PPFIBP1: variants seen among roughly 807,000 people sequenced by gnomAD.
PPFIBP1 encodes the protein PPFIB scaffold protein 1.
In PPFIBP1, 112 loss-of-function variants were observed where a neutral mutation model predicts 137.8. The ratio of observed to expected loss-of-function variants is 0.81; its 90% CI spans 0.70 to 0.95. The LOEUF is 0.95. PPFIBP1 is among the 40% of genes least tolerant of loss of function. PPFIBP1 has a pLI of 0.00. For missense variants in PPFIBP1, 1,083 were observed against 1,196.6 expected (o/e 0.91, Z 1.40); for synonymous variants, 378 against 417.3 (o/e 0.91, Z 1.15).
chr12:27,648,718 G>T (rs1158877267), intron 6 of PPFIBP1, among the ~76,000 whole-genome samples: 1 of 152,162 alleles, frequency 6.6e-6, no homozygotes, highest in African/African-American at 2.4e-5. Context: ...TGGAACTGAA[G>T]GTCATTATGT....
intron 2 of PPFIBP1, among the ~76,000 whole-genome samples, chr12:27,628,972 T>A (rs1049193797): frequency 2.6e-5 from 4 of 152,160 alleles, no homozygotes; most frequent in African/African-American, 9.7e-5. Context: ...TGTGCTGGAG[T>A]ATTTAAAGCT....
At chr12:27,662,019 G>T (rs1376008546) in intron 11 of PPFIBP1, among the ~76,000 whole-genome samples, 2 of 152,020 alleles carry the variant, frequency 1.3e-5, no homozygotes, top group Non-Finnish European at 2.9e-5. Context: ...AAAAGCCACA[G>T]CAAACAAAAT....
chr12:27,591,039 CAT>C (rs1428462271), intron 2 of PPFIBP1, among the ~76,000 whole-genome samples: 2 of 151,614 alleles, frequency 1.3e-5, no homozygotes, highest in Non-Finnish European at 2.9e-5. Context: ...TCTTTATAGT[CAT>C]ATATTTGCCT....
chr12:27,688,914 G>T, intron 26 of PPFIBP1, 101 bp from the exon 27 acceptor site: 1 of 1,141,462 alleles, frequency 8.8e-7, no homozygotes, highest in Non-Finnish European at 1.2e-6. Flanking sequence ...GAGGATCATT[G>T]GAGATAACCT....
At chr12:27,662,549 A>T (rs1370161642) in intron 11 of PPFIBP1, among the ~76,000 whole-genome samples, 1 of 152,230 alleles carries the variant, frequency 6.6e-6, no homozygotes, top group Non-Finnish European at 1.5e-5. Context: ...AAGAGCTTTT[A>T]GAGAAATTTA....
chr12:27,595,884 A>AAC (rs1372079287), intron 2 of PPFIBP1, among the ~76,000 whole-genome samples: 23,460 of 52,852 alleles, frequency 0.44, 2,651 homozygotes, highest in Middle Eastern at 0.55. Flanking sequence ...CAACAACAAC[A>AAC]AAATATATAT....
chr12:27,599,876 A>G (rs2053771464), intron 2 of PPFIBP1, among the ~76,000 whole-genome samples: 1 of 152,234 alleles, frequency 6.6e-6, no homozygotes, highest in Admixed American at 6.5e-5. Flanking sequence ...ACAGACTACA[A>G]GAGACTAAGG....
chr12:27,562,290 A>C (rs1337176441), intron 1 of PPFIBP1, among the ~76,000 whole-genome samples: 1 of 151,948 alleles, frequency 6.6e-6, no homozygotes. Flanking sequence ...AAAGAAGTGA[A>C]AATGTGTGAA....
At chr12:27,525,992 A>G (rs1943705505) in intron 1 of PPFIBP1, among the ~76,000 whole-genome samples, 1 of 152,260 alleles carries the variant, frequency 6.6e-6, no homozygotes, top group Non-Finnish European at 1.5e-5. Context: ...GGCTTAAGAC[A>G]CAGAAATTGC....
intron 1 of PPFIBP1, among the ~76,000 whole-genome samples, chr12:27,560,744 C>A (rs1178674210): frequency 6.6e-6 from 1 of 152,216 alleles, no homozygotes; most frequent in Non-Finnish European, 1.5e-5. Flanking sequence ...AAGTCAGGAT[C>A]TAAATCCAGC....
chr12:27,572,595 T>C (rs1165965504), intron 1 of PPFIBP1, among the ~76,000 whole-genome samples: 1 of 152,232 alleles, frequency 6.6e-6, no homozygotes, highest in Non-Finnish European at 1.5e-5. Context: ...TCAATAGATA[T>C]TGCAAATACT....
intron 2 of PPFIBP1, among the ~76,000 whole-genome samples, chr12:27,589,961 C>T (rs2052292082): frequency 6.6e-6 from 1 of 152,206 alleles, no homozygotes; most frequent in South Asian, 2.1e-4. Context: ...TTGACGTCTA[C>T]TTGATGGCTA....
intron 1 of PPFIBP1, among the ~76,000 whole-genome samples, chr12:27,549,670 AG>A (rs907616248): frequency 6.9e-6 from 1 of 144,522 alleles, no homozygotes; most frequent in African/African-American, 2.5e-5. Flanking sequence ...TCAAGAACAG[AG>A]AAATGGGAAA....
Position 27,647,630 on chromosome 12 carries a change from G to C in PPFIBP1, c.358-99G>C, listed in dbSNP as rs887760050. On this transcript the variant is annotated intron_variant, in intron 5 of 29. Coordinates refer to ENST00000228425, the MANE Select transcript of PPFIBP1 (RefSeq NM_003622.4). Reference sequence around the variant, plus strand: ...TTTTTTTCTTTATAACCGTATGAATGGTAGGATCATTCCTTTTTTTGTTCC... The same window carrying C: ...TTTTTTTCTTTATAACCGTATGAATCGTAGGATCATTCCTTTTTTTGTTCC... 6 of 702,208 alleles carry C rather than the reference G, an allele frequency of 8.5e-6. No individual in the cohort carries two copies. The African/African-American group carries it at 1.1e-4, about 13-fold the overall frequency. 43.5% of individuals were successfully genotyped at this position (702,208 alleles called of 1,614,324 possible). A position where few individuals can be genotyped will look rare whatever the true frequency, so the allele number is the denominator to read the frequency against.
At chr12:27,545,357 C>T (rs558728511) in intron 1 of PPFIBP1, among the ~76,000 whole-genome samples, 12 of 152,208 alleles carry the variant, frequency 7.9e-5, no homozygotes, top group South Asian at 6.2e-4. Flanking sequence ...ACGTTCTGCA[C>T]GTGTATCCCA....
At chr12:27,601,069 C>T (rs563346490) in intron 2 of PPFIBP1, among the ~76,000 whole-genome samples, 1 of 152,286 alleles carries the variant, frequency 6.6e-6, no homozygotes, top group East Asian at 1.9e-4. Flanking sequence ...AGACTTATTC[C>T]TCTTGTCTAA....
At chr12:27,621,465 C>T (rs1029753678) in intron 2 of PPFIBP1, among the ~76,000 whole-genome samples, 7 of 152,120 alleles carry the variant, frequency 4.6e-5, no homozygotes, top group African/African-American at 1.4e-4. Context: ...GCTCAGTATT[C>T]GTTAATTGTA....
chr12:27,539,994 A>G (rs1356396124), intron 1 of PPFIBP1, among the ~76,000 whole-genome samples: 1 of 152,170 alleles, frequency 6.6e-6, no homozygotes, highest in Non-Finnish European at 1.5e-5. Flanking sequence ...TAAGGACTGT[A>G]AAACATTCCA....
At chr12:27,666,560 T>C (rs2059869246) in intron 12 of PPFIBP1, among the ~76,000 whole-genome samples, 1 of 152,210 alleles carries the variant, frequency 6.6e-6, no homozygotes, top group Non-Finnish European at 1.5e-5. Context: ...TTTTGATTTC[T>C]AGAGATGTAA....
Sources: allele counts gnomAD v4.1 joint callset (sites outside exome capture counted in the v4.1 genomes callset), GRCh38; gene constraint gnomAD v4.1.1; transcripts MANE v1.5; gene names NCBI Gene and HGNC (gene_info 2026-07-23, HGNC 2026-07-21).